CSMD1: variants seen among roughly 807,000 people sequenced by gnomAD.
The protein encoded by CSMD1 is CUB and Sushi multiple domains 1, also known as CUB and sushi domain-containing protein 1.
Under a neutral mutation model 417.5 loss-of-function variants are expected in CSMD1, and 213 were observed. The observed-to-expected ratio is 0.51, with a 90% CI of 0.46 to 0.57. The LOEUF is 0.57. CSMD1 is among the 20% of genes least tolerant of loss of function. The pLI is 0.00. For missense variants in CSMD1, 6,923 were observed against 4,529.7 expected, an observed-to-expected ratio of 1.53 and a Z score of -15.17; for synonymous variants, 2,862 against 1,736.8, an observed-to-expected ratio of 1.65 and a Z score of -16.11.
At chr8:3,201,826 T>C in intron 31 of CSMD1, 101 bp from the exon 32 acceptor site, 1 of 497,394 alleles carries the variant, frequency 2.0e-6, no homozygotes. Context: ...CAATGGATCA[T>C]TATCCTAAGA....
chr8:4,792,565 C>T (rs993994375), intron 1 of CSMD1, among the ~76,000 whole-genome samples: 1 of 152,192 alleles, frequency 6.6e-6, no homozygotes, highest in African/African-American at 2.4e-5. Flanking sequence ...CCACACTCAA[C>T]AGTTGTCAGC....
chr8:3,480,333 G>GC (rs775473577), intron 11 of CSMD1, among the ~76,000 whole-genome samples: 104 of 152,254 alleles, frequency 6.8e-4, no homozygotes, highest in Middle Eastern at 6.8e-3. Context: ...CTGCACTCCA[G>GC]CCCCCTGGAG....
rs565257286 is a variant in CSMD1, at chr8:4,028,722, T to C, written c.610+3183A>G. Among the ~76,000 whole-genome samples, 211 of 152,350 alleles carry C rather than the reference T, an allele frequency of 1.4e-3. 1 individual carries two copies. Among genetic ancestry groups the C allele is most frequent in the African/African-American group, 4.9e-3 (202 of 41,584 alleles). On this transcript the variant is annotated intron_variant, in intron 4 of 69. Coordinates refer to ENST00000635120, the MANE Select transcript of CSMD1 (RefSeq NM_033225.6). ...AAACTCTATTTCTTTACCTTTTAAA[T>C]GAGTGTTAATAATTATTACATTAGT...
chr8:4,646,929 A>G (rs2725002), intron 1 of CSMD1, among the ~76,000 whole-genome samples: 96,587 of 151,948 alleles, frequency 0.64, 31,028 homozygotes, highest in Middle Eastern at 0.76. Flanking sequence ...ATTAGTACAC[A>G]CATTTTTAAA....
At chr8:3,930,957 C>A (rs776839062) in intron 5 of CSMD1, among the ~76,000 whole-genome samples, 1 of 150,520 alleles carries the variant, frequency 6.6e-6, no homozygotes, top group Non-Finnish European at 1.5e-5. Context: ...ACCTAAAATA[C>A]ATCAGCAAAA....
chr8:3,422,532 G>A (rs1405849837), intron 12 of CSMD1, among the ~76,000 whole-genome samples: 1 of 152,068 alleles, frequency 6.6e-6, no homozygotes, highest in Admixed American at 6.5e-5. Flanking sequence ...GAAATCTATT[G>A]TAAGACACAA....
intron 1 of CSMD1, among the ~76,000 whole-genome samples, chr8:4,926,579 C>A (rs13251350): frequency 0.81 from 122,890 of 152,114 alleles, 49,975 homozygotes; most frequent in Non-Finnish European, 0.85. Flanking sequence ...GGGGAAAAAC[C>A]AACTCAAATA....
intron 6 of CSMD1, among the ~76,000 whole-genome samples, chr8:3,711,680 G>A (rs1441886906): frequency 6.6e-6 from 1 of 152,096 alleles, no homozygotes; most frequent in East Asian, 1.9e-4. Context: ...TTCTCCTGGT[G>A]GCACACTCAG....
chr8:3,307,761 G>A lies in CSMD1; in HGVS notation c.3884C>T (p.Pro1295Leu), dbSNP rs1804992797. Reference sequence around the variant, plus strand: ...GTGGAGGTTGTTGTCATACGGAGCTGGATAGCCAGGGGACAATATTCGTCC... The same window carrying A: ...GTGGAGGTTGTTGTCATACGGAGCTAGATAGCCAGGGGACAATATTCGTCC... Reference protein sequence around the residue: ...TSGRILSPGYPAPYDNNLHCT... With the variant: ...TSGRILSPGYLAPYDNNLHCT... The change falls in exon 25 of 70, where the codon CCA (proline) becomes CTA (leucine). Residue 1295 changes from proline (P) to leucine (L), a missense_variant. Physicochemically the swap from Pro to Leu is moderately conservative, Grantham distance 98. Coordinates refer to ENST00000635120, the MANE Select transcript of CSMD1 (RefSeq NM_033225.6). 1.9e-6 allele frequency: 3 copies of A among 1,613,706 alleles called. No individual in the cohort carries two copies. Among genetic ancestry groups the A allele is most frequent in the Non-Finnish European group, 2.5e-6 (3 of 1,179,710 alleles).
At chr8:4,200,939 A>T (rs1271925178) in intron 3 of CSMD1, among the ~76,000 whole-genome samples, 1 of 152,140 alleles carries the variant, frequency 6.6e-6, no homozygotes. Flanking sequence ...GTCTTTTCTA[A>T]TCTCCATAAC....
At chr8:4,025,763 T>A (rs959357668) in intron 4 of CSMD1, among the ~76,000 whole-genome samples, 1 of 152,178 alleles carries the variant, frequency 6.6e-6, no homozygotes, top group African/African-American at 2.4e-5. Context: ...TGATGTTTGT[T>A]CCCTGTTTAA....
chr8:3,945,711 A>T (rs150201361), intron 5 of CSMD1, among the ~76,000 whole-genome samples: 1 of 152,078 alleles, frequency 6.6e-6, no homozygotes, highest in African/African-American at 2.4e-5. Flanking sequence ...TTTAAAGCTC[A>T]TTTCCTTACC....
chr8:3,946,563 A>T (rs74448867), intron 5 of CSMD1, among the ~76,000 whole-genome samples: 4 of 151,560 alleles, frequency 2.6e-5, no homozygotes, highest in Non-Finnish European at 5.9e-5. Flanking sequence ...TCCTAAAAAC[A>T]AACAAACAAA....
chr8:4,011,430 C>T (rs920197174), intron 4 of CSMD1, among the ~76,000 whole-genome samples: 2 of 152,194 alleles, frequency 1.3e-5, no homozygotes, highest in Admixed American at 6.5e-5. Flanking sequence ...ATTCCTTTCA[C>T]TGCAACACGT....
intron 8 of CSMD1, among the ~76,000 whole-genome samples, chr8:3,613,889 C>A (rs1235903777): frequency 6.6e-6 from 1 of 151,948 alleles, no homozygotes. Flanking sequence ...CATTTCTACT[C>A]AATCTTGTAA....
chr8:3,847,247 G>A (rs1282133057), intron 5 of CSMD1, among the ~76,000 whole-genome samples: 3 of 152,158 alleles, frequency 2.0e-5, no homozygotes, highest in Non-Finnish European at 2.9e-5. Flanking sequence ...TTTTGCAGAT[G>A]TAGAAAGGTC....
intron 3 of CSMD1, among the ~76,000 whole-genome samples, chr8:4,392,158 A>G (rs1162354865): frequency 1.3e-5 from 2 of 152,158 alleles, no homozygotes; most frequent in Admixed American, 6.6e-5. Context: ...TGAAACTGTC[A>G]TGGGCATTTT....
At chr8:3,938,714 C>T (rs992588751) in intron 5 of CSMD1, among the ~76,000 whole-genome samples, 1 of 152,084 alleles carries the variant, frequency 6.6e-6, no homozygotes, top group Admixed American at 6.6e-5. Flanking sequence ...AATTATAGAC[C>T]CAAACATAAG....
rs575666206 is a variant in CSMD1 at position 4,131,428 on chromosome 8, C to A, written c.416-99329G>T. 7.2e-5 allele frequency among the ~76,000 whole-genome samples: 11 copies of A among 152,322 alleles called. 1 individual carries two copies. The highest frequency in any genetic ancestry group is 2.2e-4 in the African/African-American group (9 of 41,570). On this transcript the variant is annotated intron_variant, in intron 3 of 69. Transcript: ENST00000635120. ...GCTATTTGTACCACCTCTCTCTCAACTACCCCTGAGGTCAAATATACGATT... is the reference window on the plus strand; with the variant it reads ...GCTATTTGTACCACCTCTCTCTCAAATACCCCTGAGGTCAAATATACGATT...
Sources: allele counts gnomAD v4.1 joint callset (sites outside exome capture counted in the v4.1 genomes callset), GRCh38; gene constraint gnomAD v4.1.1; transcripts MANE v1.5; gene names NCBI Gene and HGNC (gene_info 2026-07-23, HGNC 2026-07-21).